Variants in SERPINI2 observed in about 807,000 individuals in gnomAD.
SERPINI2 encodes serpin family I member 2, also known as serpin I2.
A neutral mutation model predicts 47.3 loss-of-function variants in SERPINI2; 48 were observed. The observed-to-expected ratio is 1.02, with a 90% CI of 0.81 to 1.29. The LOEUF is 1.29. Ranked by LOEUF, SERPINI2 falls within the 50% of genes most tolerant of loss-of-function variation. The pLI, the probability that SERPINI2 is intolerant of heterozygous loss-of-function variation, is 0.00. For synonymous variants in SERPINI2, 135 were observed against 149.3 expected (o/e 0.90, Z 0.70); for missense variants, 448 against 456.9 (o/e 0.98, Z 0.18).
chr3:167,452,326 G>A (rs111952448), intron 6 of SERPINI2, among the ~76,000 whole-genome samples: 9 of 152,152 alleles, frequency 5.9e-5, no homozygotes, highest in African/African-American at 1.9e-4. Context: ...ACTGAGACTC[G>A]AAGAATTCAA....
At chr3:167,448,410 A>C (rs1038521948) in intron 7 of SERPINI2, among the ~76,000 whole-genome samples, 2 of 152,266 alleles carry the variant, frequency 1.3e-5, no homozygotes, top group African/African-American at 4.8e-5. Flanking sequence ...TCTTCCATGC[A>C]CATTGATATC....
intron 7 of SERPINI2, among the ~76,000 whole-genome samples, 155 bp downstream of exon 7, chr3:167,449,161 A>T (rs1749567442): frequency 6.6e-6 from 1 of 152,174 alleles, no homozygotes; most frequent in Admixed American, 6.5e-5. Context: ...GAGAAATATG[A>T]ACAGCGTATA....
chr3:167,456,512 T>A (rs971959060), intron 5 of SERPINI2, among the ~76,000 whole-genome samples: 1 of 152,194 alleles, frequency 6.6e-6, no homozygotes, highest in African/African-American at 2.4e-5. Flanking sequence ...AAGTGTTACA[T>A]CTTTTGAAAA....
exon 2 of SERPINI2, chr3:167,471,643 T>C: frequency 1.2e-6 from 2 of 1,613,656 alleles, no homozygotes; most frequent in Non-Finnish European, 1.7e-6. Context: ...GTGCTTTTCC[T>C]TTGGCTCCCA....
At position 167,448,668 on chromosome 3, in the gene SERPINI2, A is replaced by G. The variant is rs942742445; in HGVS notation, c.1051+648T>C. ...CTCCCGAGTAGCTGGGACTACAGGC[A>G]TCCGCCACCACGCCCGGCTAATTTT... On this transcript the variant is annotated intron_variant, in intron 7 of 8. Coordinates refer to ENST00000264677, the Ensembl canonical transcript of SERPINI2. Among the ~76,000 whole-genome samples, 6 of 152,200 alleles carry G rather than the reference A, an allele frequency of 3.9e-5. No homozygotes were observed. In the South Asian group the frequency reaches 6.2e-4, roughly 16 times the overall value.
rs748450213 is a variant in SERPINI2 at position 167,449,297 on chromosome 3, C to G, written c.1051+19G>C. Reference sequence around the variant, plus strand: ...TCCCCATGTTTCCTTCTAGCTTGGCCAGAAATCATTCACCCTACCAGTTGA... The same window carrying G: ...TCCCCATGTTTCCTTCTAGCTTGGCGAGAAATCATTCACCCTACCAGTTGA... On this transcript the variant is annotated intron_variant, in intron 7 of 8. Transcript: ENST00000264677. 4 of 1,567,456 alleles carry G rather than the reference C, an allele frequency of 2.6e-6. No homozygotes were observed. In the East Asian group the frequency reaches 6.7e-5, roughly 26 times the overall value.
chr3:167,461,687 T>C (rs1290961712), intron 5 of SERPINI2, among the ~76,000 whole-genome samples: 5 of 152,040 alleles, frequency 3.3e-5, no homozygotes, highest in African/African-American at 1.2e-4. Flanking sequence ...CACAGCTCAC[T>C]GAAGCCTTGA....
Position 167,461,549 on chromosome 3 carries a change from G to A in SERPINI2, c.866+3657C>T, listed in dbSNP as rs545180031. ...TGGAGATGGGGAAGTTTGAGATGAC[G>A]AGGGCGTAAGCTATTTTATATGATA... On this transcript the variant is annotated intron_variant, in intron 5 of 8. Coordinates refer to ENST00000264677, the Ensembl canonical transcript of SERPINI2. 1.9e-3 allele frequency among the ~76,000 whole-genome samples: 290 copies of A among 152,004 alleles called. 1 individual carries two copies. The highest frequency in any genetic ancestry group is 3.5e-3 in the Non-Finnish European group (236 of 67,992).
chr3:167,447,926 A>T (rs559599750), intron 7 of SERPINI2, among the ~76,000 whole-genome samples: 1 of 152,338 alleles, frequency 6.6e-6, no homozygotes, highest in East Asian at 1.9e-4. Context: ...GTCAAAATCC[A>T]TTGGCCCAAT....
At chr3:167,466,366 T>A (rs1437270288) in intron 3 of SERPINI2, among the ~76,000 whole-genome samples, 2 of 152,190 alleles carry the variant, frequency 1.3e-5, no homozygotes, top group African/African-American at 4.8e-5. Flanking sequence ...TCATAGCTGA[T>A]TAAATAAAGA....
chr3:167,475,988 A>G (rs1750472292), upstream of SERPINI2, among the ~76,000 whole-genome samples: 1 of 151,728 alleles, frequency 6.6e-6, no homozygotes, highest in Non-Finnish European at 1.5e-5. Flanking sequence ...TTAAGCATGG[A>G]CTCATTTCAG....
At chr3:167,445,833 C>T (rs755897441) in intron 8 of SERPINI2, among the ~76,000 whole-genome samples, 4 of 152,154 alleles carry the variant, frequency 2.6e-5, no homozygotes, top group Admixed American at 6.5e-5. Context: ...TAATCCAATC[C>T]ACTACTTCTA....
At chr3:167,465,348 T>C (rs768995901) in exon 5 of SERPINI2, 2 of 1,610,814 alleles carry the variant, frequency 1.2e-6, no homozygotes, top group South Asian at 1.1e-5. Context: ...TCATCACCTT[T>C]GTAAGACAAT....
At chr3:167,462,536 G>A (rs1266043470) in intron 5 of SERPINI2, among the ~76,000 whole-genome samples, 1 of 152,150 alleles carries the variant, frequency 6.6e-6, no homozygotes, top group East Asian at 1.9e-4. Context: ...TTGGATTAGA[G>A]CCCGGCCTAA....
Position 167,457,826 on chromosome 3 carries a change from G to C in SERPINI2, c.867-4793C>G, listed in dbSNP as rs1749843216. On this transcript the variant is annotated intron_variant, in intron 5 of 8. Transcript: ENST00000264677. ...CCAATGGGGAGAAGGGAAGATGCTT[G>C]TATGATATTGCATGGAGAGATCAGA... 3.3e-5 allele frequency among the ~76,000 whole-genome samples: 5 copies of C among 152,328 alleles called. No individual in the cohort carries two copies. The South Asian group carries it at 1.0e-3, about 32-fold the overall frequency.
At chr3:167,453,175 C>A in intron 5 of SERPINI2, 142 bp from the exon 6 acceptor site, 2 of 502,048 alleles carry the variant, frequency 4.0e-6, no homozygotes, top group South Asian at 7.3e-5. Context: ...TCACATTTCA[C>A]ACCATTTTCC....
rs1749576557 is a variant in SERPINI2 at position 167,449,374 on chromosome 3, C to CTTTG, written c.992_993insCAAA (p.Thr332LysfsTer8). On this transcript the variant is annotated frameshift_variant, in exon 7 of 9. Coordinates refer to ENST00000264677, the Ensembl canonical transcript of SERPINI2. LOFTEE classifies it high-confidence loss of function. ...TTATCTCAAAGAAAACTTTTTGCGT[C>CTTTG]ACTTGGGAAACATACACTTCAGATG... The CTTTG allele has an allele frequency of 6.2e-7, 1 of 1,612,096 alleles. No individual in the cohort carries two copies. The highest frequency in any genetic ancestry group is 8.5e-7 in the Non-Finnish European group (1 of 1,178,878).
rs767471807 is a variant in SERPINI2 at position 167,446,501 on chromosome 3, G to T, written c.1052-20C>A. The T allele has an allele frequency of 2.2e-5, 32 of 1,435,248 alleles. No individual in the cohort carries two copies. Among genetic ancestry groups the T allele is most frequent in the Non-Finnish European group, 3.0e-5 (31 of 1,037,166 alleles). The allele number at this position is 1,435,248 out of a possible 1,614,324, so 88.9% of individuals were successfully genotyped here. A position where few individuals can be genotyped will look rare whatever the true frequency, so the allele number is the denominator to read the frequency against. ...GTATGCCTATAAAATAGAGACAACA[G>T]TTATTTAGATACTTGCATTAAAAGA... On this transcript the variant is annotated intron_variant, in intron 7 of 8. Transcript: ENST00000264677.
At chr3:167,465,327 T>G (rs1750101925) in exon 5 of SERPINI2, 3 of 1,612,862 alleles carry the variant, frequency 1.9e-6, no homozygotes, top group Non-Finnish European at 2.5e-6. Flanking sequence ...AGTATGATAA[T>G]TAAGCTAAAT....
Sources: allele counts gnomAD v4.1 joint callset (sites outside exome capture counted in the v4.1 genomes callset), GRCh38; gene constraint gnomAD v4.1.1; transcripts MANE v1.5; gene names NCBI Gene and HGNC (gene_info 2026-07-23, HGNC 2026-07-21).